Variants in FOXP1 observed in about 807,000 individuals in gnomAD.
FOXP1 encodes forkhead box P1, also known as forkhead box protein P1.
A neutral mutation model predicts 98.2 loss-of-function variants in FOXP1; 15 were observed. The ratio of observed to expected loss-of-function variants is 0.15; its 90% CI spans 0.10 to 0.24. The LOEUF is 0.24. Ranked by LOEUF, FOXP1 falls within the 10% of genes least tolerant of loss-of-function variation. The pLI is 1.00. For missense variants in FOXP1, 633 were observed against 848.5 expected (o/e 0.75, Z 3.15); for synonymous variants, 371 against 314.5 (o/e 1.18, Z -1.90).
At chr3:71,565,600 AG>A (rs2046852088) in intron 2 of FOXP1, among the ~76,000 whole-genome samples, 1 of 152,236 alleles carries the variant, frequency 6.6e-6, no homozygotes, top group Non-Finnish European at 1.5e-5. Flanking sequence ...TACTTGGTAT[AG>A]TACCTAGTAT....
At chr3:71,413,449 C>T (rs192568326) in intron 3 of FOXP1, among the ~76,000 whole-genome samples, 2 of 152,222 alleles carry the variant, frequency 1.3e-5, no homozygotes, top group East Asian at 3.9e-4. Context: ...CATATACACA[C>T]ATACTGTACT....
chr3:71,538,176 C>T (rs755913942), intron 2 of FOXP1, among the ~76,000 whole-genome samples: 8 of 152,178 alleles, frequency 5.3e-5, no homozygotes, highest in Non-Finnish European at 1.2e-4. Context: ...TATTAAGATA[C>T]AATTCACATG....
At chr3:71,278,493 A>G (rs1225033796) in intron 5 of FOXP1, among the ~76,000 whole-genome samples, 1 of 152,212 alleles carries the variant, frequency 6.6e-6, no homozygotes, top group Non-Finnish European at 1.5e-5. Context: ...TTGATTAAAC[A>G]AATTTCTGAC....
At chr3:71,329,507 C>T (rs1291995769) in intron 4 of FOXP1, among the ~76,000 whole-genome samples, 2 of 151,760 alleles carry the variant, frequency 1.3e-5, no homozygotes, top group Non-Finnish European at 2.9e-5. Context: ...GCATAAGCCA[C>T]CGCGCCCGGC....
At position 71,174,785 on chromosome 3, in the gene FOXP1, TACACAC is replaced by T. The variant is rs3064896; in HGVS notation, c.180+23411_180+23416del. 5.9e-3 allele frequency among the ~76,000 whole-genome samples: 780 copies of T among 131,742 alleles called. 5 individuals carry two copies. The highest frequency in any genetic ancestry group is 9.3e-3 in the African/African-American group (332 of 35,868). 86.4% of individuals were successfully genotyped at this position (131,742 alleles called of 152,430 possible). ...CGAATACACAATGTATGCACATGCA[TACACAC>T]ACACACACACACACACACACACACA... On this transcript the variant is annotated intron_variant, in intron 6 of 20. Coordinates refer to ENST00000649528, the MANE Select transcript of FOXP1 (RefSeq NM_001349338.3).
chr3:71,214,411 G>C (rs150354401), intron 5 of FOXP1, among the ~76,000 whole-genome samples: 32 of 152,264 alleles, frequency 2.1e-4, no homozygotes, highest in African/African-American at 7.5e-4. Flanking sequence ...CCTGCTGAGT[G>C]CTGGGGCCAC....
chr3:71,513,460 C>G (rs894210862), intron 2 of FOXP1, among the ~76,000 whole-genome samples: 1 of 152,200 alleles, frequency 6.6e-6, no homozygotes, highest in Non-Finnish European at 1.5e-5. Context: ...TTCCTGGTCA[C>G]AGCCACCATC....
intron 12 of FOXP1, among the ~76,000 whole-genome samples, chr3:71,010,718 G>T (rs189447055): frequency 6.6e-6 from 1 of 152,080 alleles, no homozygotes. Context: ...GAAGAGAAGC[G>T]TAGACTAGAG....
chr3:71,450,913 G>A (rs977888502), intron 3 of FOXP1, among the ~76,000 whole-genome samples: 12 of 151,990 alleles, frequency 7.9e-5, no homozygotes, highest in African/African-American at 2.9e-4. Context: ...CCATCTACTT[G>A]ATATTGGAAA....
chr3:71,383,543 C>A lies in FOXP1; in HGVS notation c.-167-24299G>T, dbSNP rs144655288. 3.2e-3 allele frequency among the ~76,000 whole-genome samples: 490 copies of A among 152,174 alleles called. 8 individuals are homozygous for A. Among genetic ancestry groups the A allele is most frequent in the Admixed American group, 0.023 (345 of 15,284 alleles). The stretch of plus-strand genomic sequence containing the variant: ...ATGAAAAGAATAGAGGGTGGCAGGT[C>A]CAGTCAAAATAGGTAAAACCTTAAT... On this transcript the variant is annotated intron_variant, in intron 3 of 20. Transcript: ENST00000649528.
chr3:71,276,700 C>G (rs768829420), intron 5 of FOXP1, among the ~76,000 whole-genome samples: 1 of 152,112 alleles, frequency 6.6e-6, no homozygotes, highest in African/African-American at 2.4e-5. Flanking sequence ...ACAGTGACCA[C>G]GTAAGAGCGA....
chr3:71,511,017 T>C (rs2042167826), intron 2 of FOXP1, among the ~76,000 whole-genome samples: 1 of 152,232 alleles, frequency 6.6e-6, no homozygotes, highest in Admixed American at 6.5e-5. Flanking sequence ...ATATCCGTTA[T>C]AATATTTCAA....
At chr3:71,165,694 AC>A (rs1326481049) in intron 6 of FOXP1, among the ~76,000 whole-genome samples, 1 of 152,170 alleles carries the variant, frequency 6.6e-6, no homozygotes, top group Non-Finnish European at 1.5e-5. Flanking sequence ...TTTAAGCCAA[AC>A]AAAACAAAAA....
At chr3:71,165,162 G>A (rs1427317485) in intron 6 of FOXP1, among the ~76,000 whole-genome samples, 1 of 147,484 alleles carries the variant, frequency 6.8e-6, no homozygotes, top group Non-Finnish European at 1.5e-5. Context: ...GGGATGGAAA[G>A]GAAATAAAAC....
intron 6 of FOXP1, among the ~76,000 whole-genome samples, chr3:71,179,754 T>C (rs972920777): frequency 6.6e-6 from 1 of 152,234 alleles, no homozygotes; most frequent in Non-Finnish European, 1.5e-5. Context: ...GGGTATCCAC[T>C]GAAATGTTAA....
chr3:71,570,825 G>A (rs1475772155), intron 2 of FOXP1: 2 of 152,174 alleles, frequency 1.3e-5, no homozygotes, highest in Non-Finnish European at 2.9e-5. Context: ...CCATAGAGAA[G>A]GCCACTGCTG....
intron 2 of FOXP1, among the ~76,000 whole-genome samples, chr3:71,552,208 A>T (rs186257746): frequency 6.6e-6 from 1 of 152,140 alleles, no homozygotes; most frequent in Non-Finnish European, 1.5e-5. Flanking sequence ...AATATGGGAA[A>T]AGGTGCTGAT....
chr3:71,167,832 C>T (rs982518532), intron 6 of FOXP1, among the ~76,000 whole-genome samples: 2 of 152,154 alleles, frequency 1.3e-5, no homozygotes, highest in Non-Finnish European at 2.9e-5. Context: ...AAAAATTAAT[C>T]GTGGTTTCCA....
At chr3:71,583,890 C>T (rs1186866952), upstream of FOXP1, 12 of 984,742 alleles carry the variant, frequency 1.2e-5, no homozygotes, top group Admixed American at 4.3e-4. Context: ...CCGCAGGGGT[C>T]CCCTCTCCGC....
Sources: allele counts gnomAD v4.1 joint callset (sites outside exome capture counted in the v4.1 genomes callset), GRCh38; gene constraint gnomAD v4.1.1; transcripts MANE v1.5; gene names NCBI Gene and HGNC (gene_info 2026-07-23, HGNC 2026-07-21).